The following HIPK3 variants were observed in gnomAD, a reference collection of about 807,000 sequenced individuals.
HIPK3 encodes homeodomain interacting protein kinase 3.
A neutral mutation model predicts 124.2 loss-of-function variants in HIPK3; 47 were observed. The ratio of observed to expected loss-of-function variants is 0.38; its 90% CI spans 0.30 to 0.48. HIPK3 has a LOEUF of 0.48. HIPK3 is among the 20% of genes least tolerant of loss of function. The pLI is 0.98. For missense variants in HIPK3, 1,286 were observed against 1,454.3 expected (o/e 0.88, Z 1.88); for synonymous variants, 482 against 515.2 (o/e 0.94, Z 0.87).
chr11:33,263,610 G>C (rs890839543), intron 1 of HIPK3, among the ~76,000 whole-genome samples: 2 of 152,158 alleles, frequency 1.3e-5, no homozygotes, highest in African/African-American at 2.4e-5. Context: ...ACCGCGCCTG[G>C]CTGCTATGAT....
intron 3 of HIPK3, among the ~76,000 whole-genome samples, chr11:33,335,288 G>C (rs1001360032): frequency 4.6e-5 from 7 of 151,880 alleles, no homozygotes; most frequent in Admixed American, 2.0e-4. Context: ...GACTTGTAGA[G>C]GGAAAAAAGA....
intron 8 of HIPK3, among the ~76,000 whole-genome samples, chr11:33,343,640 C>T (rs141075789): frequency 6.6e-6 from 1 of 152,086 alleles, no homozygotes. Context: ...TTAATATTTA[C>T]CTCAGTACCA....
intron 2 of HIPK3, among the ~76,000 whole-genome samples, chr11:33,311,837 TACACACAC>T (rs370396153): frequency 2.9e-5 from 3 of 104,492 alleles, no homozygotes; most frequent in Admixed American, 1.0e-4. Context: ...ACCCTGTTTC[TACACACAC>T]ACACACACAC....
At chr11:33,335,476 T>G (rs951184274) in intron 3 of HIPK3, among the ~76,000 whole-genome samples, 5 of 152,190 alleles carry the variant, frequency 3.3e-5, no homozygotes, top group African/African-American at 1.2e-4. Context: ...ATGTGATTAT[T>G]AAACATGTCT....
At chr11:33,267,902 T>C (rs1196401583) in intron 1 of HIPK3, among the ~76,000 whole-genome samples, 2 of 152,200 alleles carry the variant, frequency 1.3e-5, no homozygotes, top group Non-Finnish European at 2.9e-5. Flanking sequence ...TGGCTCCTAG[T>C]ATAATTGTAT....
intron 2 of HIPK3, among the ~76,000 whole-genome samples, chr11:33,296,775 C>G (rs1033249896): frequency 1.3e-5 from 2 of 152,204 alleles, no homozygotes; most frequent in Non-Finnish European, 2.9e-5. Context: ...CTTGGTCTCT[C>G]CTTCTCCTCT....
At chr11:33,258,635 A>C (rs1472164027) in intron 1 of HIPK3, 3 of 985,184 alleles carry the variant, frequency 3.0e-6, no homozygotes, top group Non-Finnish European at 3.6e-6. Context: ...TGGCGGAAAG[A>C]CTTTGGATGA....
chr11:33,263,401 C>T (rs1191830808), intron 1 of HIPK3, among the ~76,000 whole-genome samples: 8 of 152,166 alleles, frequency 5.3e-5, no homozygotes, highest in African/African-American at 1.4e-4. Context: ...CTACAACCTC[C>T]GCCTCCGGGG....
intron 1 of HIPK3, among the ~76,000 whole-genome samples, chr11:33,282,834 T>C (rs749701903): frequency 2.2e-4 from 33 of 152,284 alleles, no homozygotes; most frequent in African/African-American, 4.6e-4. Context: ...TTGAGATTAC[T>C]TGGGAGGCTG....
intron 1 of HIPK3, among the ~76,000 whole-genome samples, chr11:33,285,392 G>A (rs1436524501): frequency 6.6e-6 from 1 of 152,036 alleles, no homozygotes; most frequent in African/African-American, 2.4e-5. Context: ...AGAAGAATGG[G>A]AACATGAATA....
rs754867300 is a variant in HIPK3, at chr11:33,352,141, C to G, written c.3047C>G (p.Ser1016Cys). Residue 1016 changes from serine (S) to cysteine (C), a missense_variant, in exon 16 of 17, where the codon TCT (serine) becomes TGT (cysteine). Transcript: ENST00000303296. ...TTAATATTTTATTCGTCGCCAGATTCTATATGCCAGCCATTAATAAAAGGA... is the reference window on the plus strand; with the variant it reads ...TTAATATTTTATTCGTCGCCAGATTGTATATGCCAGCCATTAATAAAAGGA... ...NADEHMANTD[S>C]ICQPLIKGRS... 1.9e-6 allele frequency: 3 copies of G among 1,613,042 alleles called. No homozygotes were observed. The highest frequency in any genetic ancestry group is 2.5e-6 in the Non-Finnish European group (3 of 1,179,092).
chr11:33,338,695 G>A, intron 4 of HIPK3, 62 bp from the exon 5 acceptor site: 1 of 988,680 alleles, frequency 1.0e-6, no homozygotes, highest in South Asian at 1.5e-5. Context: ...TAGACTAAAT[G>A]TGCCAGGATT....
At chr11:33,339,281 A>G (rs1853256534) in intron 5 of HIPK3, 69 bp from the exon 6 acceptor site, 1 of 1,184,584 alleles carries the variant, frequency 8.4e-7, no homozygotes, top group Middle Eastern at 2.0e-4. Flanking sequence ...TTTATTTTTT[A>G]ACGGTGGAAT....
chr11:33,304,242 T>G (rs1852088854), intron 2 of HIPK3, among the ~76,000 whole-genome samples: 1 of 152,178 alleles, frequency 6.6e-6, no homozygotes, highest in Admixed American at 6.5e-5. Flanking sequence ...CCTGGCCAAT[T>G]AAATATTTTT....
At chr11:33,343,476 C>T (rs945739160) in intron 8 of HIPK3, among the ~76,000 whole-genome samples, 11 of 152,002 alleles carry the variant, frequency 7.2e-5, no homozygotes, top group Non-Finnish European at 1.2e-4. Context: ...TACAGGGTTT[C>T]ACCATGTTGG....
chr11:33,336,948 A>G, intron 3 of HIPK3, 127 bp from the exon 4 acceptor site: 1 of 582,610 alleles, frequency 1.7e-6, no homozygotes, highest in Non-Finnish European at 3.0e-6. Context: ...TCTCCACTAG[A>G]CAGTGCATTT....
At chr11:33,299,392 A>T (rs1851929778) in intron 2 of HIPK3, among the ~76,000 whole-genome samples, 1 of 151,818 alleles carries the variant, frequency 6.6e-6, no homozygotes, top group East Asian at 2.0e-4. Flanking sequence ...GAATCGCTGG[A>T]ACCTGGGTGG....
intron 2 of HIPK3, among the ~76,000 whole-genome samples, chr11:33,311,446 C>T (rs1852333176): frequency 6.6e-6 from 1 of 152,200 alleles, no homozygotes; most frequent in African/African-American, 2.4e-5. Context: ...TCCCAAAGTG[C>T]CAGGATTACA....
chr11:33,305,616 C>G (rs1015055830), intron 2 of HIPK3, among the ~76,000 whole-genome samples: 2 of 152,204 alleles, frequency 1.3e-5, no homozygotes, highest in African/African-American at 4.8e-5. Flanking sequence ...AACTGCAGAG[C>G]TATGATTTGA....
Sources: gnomAD v4.1 joint callset for allele counts (sites outside exome capture counted in the v4.1 genomes callset) on GRCh38, gnomAD v4.1.1 for gene constraint, MANE v1.5 for transcripts, NCBI Gene and HGNC (gene_info 2026-07-23, HGNC 2026-07-21) for gene names.